Variants in SLC67A1 observed in about 807,000 individuals in gnomAD.
SLC67A1 encodes solute carrier family 67 member 1.
At chr11:2,917,390 G>A in the SLC67A1 span, among the ~76,000 whole-genome samples, 1 of 152,344 alleles carries the variant, frequency 6.6e-6, no homozygotes, top group Non-Finnish European at 1.5e-5. Flanking sequence ...AAAGTCCAGG[G>A]GGAGGGCCGG....
At chr11:2,915,338 C>A in the SLC67A1 span, 1 of 681,736 alleles carries the variant, frequency 1.5e-6, no homozygotes, top group Non-Finnish European at 1.8e-6. Flanking sequence ...AAAGTCCTTT[C>A]TTTGAACTCC....
At chr11:2,914,311 G>C in the SLC67A1 span, among the ~76,000 whole-genome samples, 1 of 152,174 alleles carries the variant, frequency 6.6e-6, no homozygotes, top group East Asian at 1.9e-4. Flanking sequence ...TCGTGGTGAG[G>C]TTGAGGGGGG....
At chr11:2,924,840 G>T in the SLC67A1 span, among the ~76,000 whole-genome samples, 2 of 152,218 alleles carry the variant, frequency 1.3e-5, no homozygotes, top group Admixed American at 6.5e-5. The surrounding 1 kb of genome is among the most constrained non-coding windows in gnomAD (Gnocchi z 8.6). Flanking sequence ...AAGCTGGCAG[G>T]TGGAAAGGAT....
the SLC67A1 span, among the ~76,000 whole-genome samples, chr11:2,913,589 A>G: frequency 1.3e-5 from 2 of 152,144 alleles, no homozygotes; most frequent in African/African-American, 4.8e-5. Context: ...GTTCATTTTC[A>G]AACATGGTTC....
At chr11:2,913,702 G>A in the SLC67A1 span, among the ~76,000 whole-genome samples, 170 of 152,352 alleles carry the variant, frequency 1.1e-3, no homozygotes, top group Middle Eastern at 6.8e-3. Flanking sequence ...TGAGCTAGGT[G>A]TCCCACAAAG....
the SLC67A1 span, chr11:2,909,757 G>C: frequency 0.3 from 419,193 of 1,407,510 alleles, 65,561 homozygotes; most frequent in African/African-American, 0.32. Context: ...GGACGCCCGC[G>C]GCTGGGTCGG....
At chr11:2,922,146 G>T in the SLC67A1 span, 9 of 1,613,702 alleles carry the variant, frequency 5.6e-6, no homozygotes, top group East Asian at 1.8e-4. Flanking sequence ...GCCACTTCTC[G>T]GAGGAGGTGC....
At chr11:2,915,279 C>T in the SLC67A1 span, 1 of 952,538 alleles carries the variant, frequency 1.0e-6, no homozygotes, top group African/African-American at 1.9e-5. Context: ...ACAAGTTTGC[C>T]CGTGTGTGTG....
chr11:2,901,701 TG>T, the SLC67A1 span, among the ~76,000 whole-genome samples: 1 of 151,946 alleles, frequency 6.6e-6, no homozygotes, highest in East Asian at 1.9e-4. Flanking sequence ...CAGGGTGAAA[TG>T]GGGAAAAGTG....
chr11:2,915,695 G>T, the SLC67A1 span, among the ~76,000 whole-genome samples: 1 of 152,332 alleles, frequency 6.6e-6, no homozygotes, highest in Non-Finnish European at 1.5e-5. Context: ...CTGTATAGGA[G>T]TTTGCTCAGC....
chr11:2,903,000 T>C, the SLC67A1 span: 1 of 290,340 alleles, frequency 3.4e-6, no homozygotes, highest in Non-Finnish European at 6.2e-6. Flanking sequence ...GCATGGCACA[T>C]TCCTGTGTCA....
At chr11:2,913,483 G>A in the SLC67A1 span, among the ~76,000 whole-genome samples, 1 of 152,216 alleles carries the variant, frequency 6.6e-6, no homozygotes, top group African/African-American at 2.4e-5. Context: ...GAGGAGACAC[G>A]AGGACTGGGA....
the SLC67A1 span, chr11:2,922,582 G>A: frequency 9.7e-6 from 15 of 1,554,276 alleles, no homozygotes; most frequent in South Asian, 1.2e-4. Flanking sequence ...GAGTGGAGCA[G>A]CCTCCTCCAG....
At chr11:2,900,692 C>CAAAAAAAAAAAAAAA in the SLC67A1 span, among the ~76,000 whole-genome samples, 145 of 59,636 alleles carry the variant, frequency 2.4e-3, 1 homozygote, top group Non-Finnish European at 3.6e-3. Flanking sequence ...GACTCCGTCT[C>CAAAAAAAAAAAAAAA]AAAAAAAAAA....
At chr11:2,908,364 C>A in the SLC67A1 span, 1 of 1,498,132 alleles carries the variant, frequency 6.7e-7, no homozygotes, top group Non-Finnish European at 9.2e-7. Flanking sequence ...GCTCTCCCCA[C>A]AGTGACCCAG....
At chr11:2,922,188 G>A in the SLC67A1 span, 1 of 1,613,450 alleles carries the variant, frequency 6.2e-7, no homozygotes, top group African/African-American at 1.3e-5. Context: ...TCTTCATCGT[G>A]GTGGGCCTGG....
At chr11:2,923,164 G>T in the SLC67A1 span, among the ~76,000 whole-genome samples, 1 of 152,304 alleles carries the variant, frequency 6.6e-6, no homozygotes, top group African/African-American at 2.4e-5. This position sits in a 1 kb window ranked among gnomAD's most constrained non-coding sequence, Gnocchi z 6.5. Flanking sequence ...GCACAGTGTG[G>T]GTACACACTG....
At chr11:2,903,145 C>G in the SLC67A1 span, 3,504 of 1,317,688 alleles carry the variant, frequency 2.7e-3, 70 homozygotes, top group African/African-American at 0.044. Flanking sequence ...CCTGATGTGT[C>G]CTCTAAGGTC....
the SLC67A1 span, chr11:2,902,083 G>T: frequency 6.6e-6 from 1 of 152,298 alleles, no homozygotes; most frequent in South Asian, 2.1e-4. Context: ...GGGCGAAGCC[G>T]GGCACGGGGC....
Sources: allele counts gnomAD v4.1 joint callset (sites outside exome capture counted in the v4.1 genomes callset), GRCh38; gene constraint gnomAD v4.1.1; non-coding constraint Gnocchi (gnomAD v3.1); transcripts MANE v1.5; gene names NCBI Gene and HGNC (gene_info 2026-07-23, HGNC 2026-07-21).